The following CACNG3 variants were observed in gnomAD, a reference collection of about 807,000 sequenced individuals.
CACNG3 encodes calcium voltage-gated channel auxiliary subunit gamma 3.
CACNG3 carries 3 observed loss-of-function variants against 28.5 expected under a neutral mutation model. That is an observed-to-expected ratio of 0.11 (90% CI 0.05 to 0.27). The LOEUF (loss-of-function observed/expected upper bound fraction) is 0.27. Ranked by LOEUF, CACNG3 falls within the 10% of genes least tolerant of loss-of-function variation. The probability of loss-of-function intolerance (pLI) is 1.00; values close to 1 mark genes in which losing one functional copy is unlikely to be tolerated. For synonymous variants in CACNG3, 174 were observed against 162.2 expected, an observed-to-expected ratio of 1.07 and a Z score of -0.55; for missense variants, 236 against 414.4, an observed-to-expected ratio of 0.57 and a Z score of 3.74.
At chr16:24,276,243 T>C (rs1470378778) in intron 1 of CACNG3, among the ~76,000 whole-genome samples, 1 of 152,224 alleles carries the variant, frequency 6.6e-6, no homozygotes, top group African/African-American at 2.4e-5. Flanking sequence ...GAAAATATAG[T>C]TATTTTTATA....
intron 1 of CACNG3, among the ~76,000 whole-genome samples, chr16:24,285,491 G>A (rs1026454160): frequency 8.6e-5 from 13 of 151,980 alleles, no homozygotes; most frequent in Non-Finnish European, 1.2e-4. Flanking sequence ...CCCTCAAAAC[G>A]TACACACATA....
At chr16:24,320,721 G>A (rs1001275948) in intron 1 of CACNG3, among the ~76,000 whole-genome samples, 6 of 151,890 alleles carry the variant, frequency 4.0e-5, no homozygotes, top group Non-Finnish European at 8.8e-5. Flanking sequence ...CAATTCATAC[G>A]TTTTTCTTAT....
At chr16:24,330,385 T>C (rs1338282185) in intron 1 of CACNG3, among the ~76,000 whole-genome samples, 1 of 152,132 alleles carries the variant, frequency 6.6e-6, no homozygotes, top group Non-Finnish European at 1.5e-5. Context: ...CCCAAACCTA[T>C]CTTGCCTATC....
In CACNG3 at chr16:24,346,802, G is replaced by A. The variant is rs749791046; in HGVS notation, c.280G>A (p.Ala94Thr). 1 of 1,614,010 alleles carries A rather than the reference G, an allele frequency of 6.2e-7. No individual in the cohort carries two copies. The highest frequency in any genetic ancestry group is 8.5e-7 in the Non-Finnish European group (1 of 1,179,848). The change falls in exon 2 of 4, where the codon GCC becomes ACC. Residue 94 changes from alanine to threonine, a missense_variant. This residue lies in a region of CACNG3 where 120 missense variants were observed against 263.4 expected (regional missense o/e 0.46). Transcript: ENST00000005284. ...PEDADYEQDT[A>T]EYLLRAVRAS... The stretch of plus-strand genomic sequence containing the variant: ...AGATGCTGACTACGAACAGGACACA[G>A]CCGAATATCTCCTGCGTAAGTTCCC...
chr16:24,332,497 A>G (rs1490590186), intron 1 of CACNG3, among the ~76,000 whole-genome samples: 2 of 151,980 alleles, frequency 1.3e-5, no homozygotes, highest in African/African-American at 4.8e-5. Flanking sequence ...AAAAGAATAA[A>G]TCAGGATGTG....
intron 1 of CACNG3, among the ~76,000 whole-genome samples, chr16:24,321,302 C>T (rs946435865): frequency 6.6e-6 from 1 of 152,044 alleles, no homozygotes; most frequent in Non-Finnish European, 1.5e-5. Flanking sequence ...CAAAAATTAA[C>T]AGGGTATGGT....
intron 1 of CACNG3, among the ~76,000 whole-genome samples, chr16:24,282,217 G>A (rs757208146): frequency 6.6e-6 from 1 of 152,084 alleles, no homozygotes; most frequent in Non-Finnish European, 1.5e-5. Context: ...TTTGCTCTAG[G>A]TCAAACATGA....
chr16:24,319,866 G>A (rs1371649418), intron 1 of CACNG3, among the ~76,000 whole-genome samples: 1 of 152,084 alleles, frequency 6.6e-6, no homozygotes, highest in African/African-American at 2.4e-5. Flanking sequence ...CGCCTCATGG[G>A]TTCAAGCGAT....
intron 1 of CACNG3, among the ~76,000 whole-genome samples, chr16:24,294,244 G>A (rs1044538934): frequency 6.6e-5 from 10 of 152,224 alleles, no homozygotes; most frequent in African/African-American, 2.4e-4. Context: ...TCCCCTCCGG[G>A]CAGCGAGGAC....
chr16:24,259,671 C>T (rs1898513224), intron 1 of CACNG3, among the ~76,000 whole-genome samples: 1 of 152,084 alleles, frequency 6.6e-6, no homozygotes, highest in South Asian at 2.1e-4. Flanking sequence ...GAAGGGCTGT[C>T]ATATGAAAGA....
At chr16:24,263,131 A>G (rs1408694135) in intron 1 of CACNG3, among the ~76,000 whole-genome samples, 3 of 152,228 alleles carry the variant, frequency 2.0e-5, no homozygotes, top group Non-Finnish European at 4.4e-5. Flanking sequence ...GAAAATGCAC[A>G]TAATTTTTTT....
intron 1 of CACNG3, among the ~76,000 whole-genome samples, chr16:24,272,759 G>A (rs1898707059): frequency 6.6e-6 from 1 of 151,932 alleles, no homozygotes; most frequent in Admixed American, 6.6e-5. Flanking sequence ...GCATCCTGGA[G>A]ATCTTTCTAC....
At chr16:24,326,483 T>G (rs191539963) in intron 1 of CACNG3, among the ~76,000 whole-genome samples, 5 of 152,334 alleles carry the variant, frequency 3.3e-5, no homozygotes, top group Admixed American at 3.3e-4. Flanking sequence ...AATTTTTCTT[T>G]CTCAACATTT....
In CACNG3 at chr16:24,361,497, G is replaced by A. The variant is rs1340836313; in HGVS notation, c.582G>A (p.Val194=). The change falls in exon 4 of 4, where the codon GTG becomes GTA. Residue 194 remains valine (V), a synonymous_variant. Coordinates refer to ENST00000005284, the MANE Select transcript of CACNG3 (RefSeq NM_006539.4). This position sits in a 1 kb window ranked among gnomAD's most constrained non-coding sequence, Gnocchi z 6.8. ...TCATCATCGCAGAAATTGTAGGAGT[G>A]GTTGCCGTGCACATCTATATTGAAA... The part of the protein sequence containing the change: ...FSFIIAEIVG[V]VAVHIYIEKH... The A allele has an allele frequency of 6.2e-7, 1 of 1,614,044 alleles. No homozygotes were observed. The highest frequency in any genetic ancestry group is 8.5e-7 in the Non-Finnish European group (1 of 1,180,012).
At chr16:24,330,269 C>T (rs1028978795) in intron 1 of CACNG3, among the ~76,000 whole-genome samples, 2 of 152,192 alleles carry the variant, frequency 1.3e-5, no homozygotes, top group Admixed American at 6.5e-5. Flanking sequence ...TCAGGACTCA[C>T]CATGGCTGTG....
chr16:24,314,310 AC>A (rs1899316458), intron 1 of CACNG3, among the ~76,000 whole-genome samples: 2 of 152,256 alleles, frequency 1.3e-5, no homozygotes, highest in African/African-American at 4.8e-5. Context: ...GAAGCCAGAG[AC>A]GCTTCTCAGT....
In CACNG3 at chr16:24,361,893, G is replaced by A; in HGVS notation, c.*30G>A. On this transcript the variant is annotated 3_prime_UTR_variant, in exon 4 of 4. Transcript: ENST00000005284. The surrounding 1 kb of genome is among the most constrained non-coding windows in gnomAD (Gnocchi z 6.8). ...ACCTCTGACCTCTGCCCCACGCCCA[G>A]CACAGCCTTGGGGGAAGTGTACAGA... 1 of 1,572,496 alleles carries A rather than the reference G, an allele frequency of 6.4e-7. No individual in the cohort carries two copies. Among genetic ancestry groups the A allele is most frequent in the Non-Finnish European group, 8.6e-7 (1 of 1,163,646 alleles).
intron 1 of CACNG3, among the ~76,000 whole-genome samples, chr16:24,322,880 T>C (rs1567218953): frequency 6.6e-6 from 1 of 152,180 alleles, no homozygotes; most frequent in Non-Finnish European, 1.5e-5. Flanking sequence ...CCAGGGCCAC[T>C]ATTCACATAA....
chr16:24,314,772 A>T (rs984496198), intron 1 of CACNG3, among the ~76,000 whole-genome samples: 5 of 80,180 alleles, frequency 6.2e-5, no homozygotes, highest in African/African-American at 2.0e-4. Context: ...CTCCTCCTCC[A>T]ACCTCCACCT....
Sources: allele counts gnomAD v4.1 joint callset (sites outside exome capture counted in the v4.1 genomes callset), GRCh38; gene constraint gnomAD v4.1.1; regional missense constraint gnomAD v4.1.1; non-coding constraint Gnocchi (gnomAD v3.1); transcripts MANE v1.5; gene names NCBI Gene and HGNC (gene_info 2026-07-23, HGNC 2026-07-21).